The following ELFN1 variants were observed in gnomAD, a reference collection of about 807,000 sequenced individuals.
ELFN1 encodes extracellular leucine rich repeat and fibronectin type III domain containing 1, also known as protein ELFN1.
In ELFN1, 6 loss-of-function variants were observed where a neutral mutation model predicts 7.6. That is an observed-to-expected ratio of 0.79 (90% CI 0.43 to 1.56). ELFN1 has a LOEUF of 1.56. ELFN1 is among the 40% of genes most tolerant of loss of function. The pLI is 0.01. For synonymous variants in ELFN1, 657 were observed against 588.1 expected, an observed-to-expected ratio of 1.12 and a Z score of -1.70; for missense variants, 1,169 against 1,232.2, an observed-to-expected ratio of 0.95 and a Z score of 0.77.
chr7:1,746,948 C>G lies in ELFN1; in HGVS notation c.2352C>G (p.Arg784=). ...TCTGGGAGCGCTTCAGACTGAGCCGCCGGCGGCACAAGGAGGAAGAGGAGT... is the reference window on the plus strand; with the variant it reads ...TCTGGGAGCGCTTCAGACTGAGCCGGCGGCGGCACAAGGAGGAAGAGGAGT... The part of the protein sequence containing the change: ...QSIWERFRLS[R]RRHKEEEEFM... The change falls in exon 4 of 4, where the codon CGC becomes CGG. Residue 784 remains arginine (R), a synonymous_variant. Coordinates refer to ENST00000424383, the MANE Select transcript of ELFN1 (RefSeq NM_001128636.4). 6.4e-7 allele frequency: 1 copy of G among 1,550,812 alleles called. No homozygotes were observed. Among genetic ancestry groups the G allele is most frequent in the Non-Finnish European group, 8.7e-7 (1 of 1,147,362 alleles).
At chr7:1,666,239 C>T (rs1289379713), upstream of ELFN1, among the ~76,000 whole-genome samples, 2 of 151,416 alleles carry the variant, frequency 1.3e-5, no homozygotes, top group Non-Finnish European at 3.0e-5. The surrounding 1 kb of genome is among the most constrained non-coding windows in gnomAD (Gnocchi z 7.9). Flanking sequence ...GCTGCGGGAT[C>T]GGAGGGTCCC....
At chr7:1,702,297 G>T (rs1779444115) in intron 2 of ELFN1, among the ~76,000 whole-genome samples, 1 of 151,892 alleles carries the variant, frequency 6.6e-6, no homozygotes, top group Non-Finnish European at 1.5e-5. Context: ...GATGGCGGGT[G>T]CCTGTAGTCC....
intron 3 of ELFN1, among the ~76,000 whole-genome samples, chr7:1,718,024 G>A (rs1406447879): frequency 1.3e-5 from 2 of 152,194 alleles, no homozygotes; most frequent in African/African-American, 4.8e-5. Flanking sequence ...ACAGCCAGAA[G>A]TCAGTGGCCC....
intron 2 of ELFN1, among the ~76,000 whole-genome samples, chr7:1,697,326 C>T (rs1251330977): frequency 2.6e-5 from 4 of 152,226 alleles, no homozygotes; most frequent in Non-Finnish European, 4.4e-5. Context: ...CAGAGAGGAA[C>T]AGTCGCGCCC....
At chr7:1,683,066 T>C (rs1279943629) in intron 1 of ELFN1, among the ~76,000 whole-genome samples, 4 of 152,236 alleles carry the variant, frequency 2.6e-5, no homozygotes, top group African/African-American at 9.6e-5. Context: ...TTAAGGATTT[T>C]TGAATCTTCT....
intron 1 of ELFN1, among the ~76,000 whole-genome samples, chr7:1,685,873 C>G (rs1779053690): frequency 6.8e-6 from 1 of 146,496 alleles, no homozygotes; most frequent in Non-Finnish European, 1.5e-5. Context: ...ATATATAAAC[C>G]ATTGAAAGAT....
chr7:1,717,675 A>G (rs1779876282), intron 3 of ELFN1, among the ~76,000 whole-genome samples: 1 of 152,098 alleles, frequency 6.6e-6, no homozygotes, highest in African/African-American at 2.4e-5. Flanking sequence ...AGGAAAGAAG[A>G]GTGTGTGGAA....
rs557769153 is a variant in ELFN1, at chr7:1,735,438, C to G, written c.-293-8866C>G. Among the ~76,000 whole-genome samples the G allele has an allele frequency of 2.0e-5, 3 of 152,210 alleles. No homozygotes were observed. In the East Asian group the frequency reaches 5.8e-4, roughly 30 times the overall value. On this transcript the variant is annotated intron_variant, in intron 3 of 3. Transcript: ENST00000424383. This position sits in a 1 kb window ranked among gnomAD's most constrained non-coding sequence, Gnocchi z 5.9. ...AGTCCCCTCCGTTCTACTCCCCAGC[C>G]CGGCCTCCTGGAGGGCAAGGCGGAG...
intron 1 of ELFN1, among the ~76,000 whole-genome samples, chr7:1,685,069 T>C (rs979536974): frequency 8.5e-5 from 13 of 152,218 alleles, no homozygotes; most frequent in Admixed American, 7.8e-4. Flanking sequence ...TTTCTCTTGA[T>C]CTGTAATGTT....
intron 1 of ELFN1, among the ~76,000 whole-genome samples, chr7:1,685,713 T>C (rs1779050410): frequency 6.6e-6 from 1 of 151,098 alleles, no homozygotes; most frequent in Admixed American, 6.6e-5. Context: ...TTTTCTTCAA[T>C]TCTTTACACA....
chr7:1,745,019 C>G lies in ELFN1; in HGVS notation c.423C>G (p.Ala141=). 6.4e-7 allele frequency: 1 copy of G among 1,551,178 alleles called. No homozygotes were observed. The highest frequency in any genetic ancestry group is 8.7e-7 in the Non-Finnish European group (1 of 1,146,998). ...LGKLEYLYLQ[A]NLIEVVMASS... Reference sequence around the variant, plus strand: ...AGCTGGAGTACCTGTACCTGCAGGCCAACCTCATCGAGGTGGTCATGGCCA... The same window carrying G: ...AGCTGGAGTACCTGTACCTGCAGGCGAACCTCATCGAGGTGGTCATGGCCA... Residue 141 remains alanine, a synonymous_variant, in exon 4 of 4, where the codon GCC becomes GCG. Transcript: ENST00000424383.
At chr7:1,697,056 C>G (rs1779331053) in intron 2 of ELFN1, among the ~76,000 whole-genome samples, 1 of 152,242 alleles carries the variant, frequency 6.6e-6, no homozygotes, top group African/African-American at 2.4e-5. Flanking sequence ...GCGCCCCTCA[C>G]TGGCTTTGTG....
In ELFN1 at chr7:1,718,436, G is replaced by C. The variant is rs143412867; in HGVS notation, c.-294+9184G>C. 5.2e-3 allele frequency among the ~76,000 whole-genome samples: 795 copies of C among 152,280 alleles called. 6 individuals are homozygous for C. Among genetic ancestry groups the C allele is most frequent in the Middle Eastern group, 0.014 (4 of 294 alleles). On this transcript the variant is annotated intron_variant, in intron 3 of 3. Transcript: ENST00000424383. ...TGACTGGAGAATGGGAAGTAGCATT[G>C]GGGGTGACTGACCTATCCACAGGCC...
At chr7:1,736,901 C>G (rs1780463895) in intron 3 of ELFN1, among the ~76,000 whole-genome samples, 1 of 152,068 alleles carries the variant, frequency 6.6e-6, no homozygotes, top group East Asian at 1.9e-4. Flanking sequence ...GCTGCACTCT[C>G]TCCTCCCACC....
At chr7:1,736,382 C>T (rs1780442086) in intron 3 of ELFN1, among the ~76,000 whole-genome samples, 1 of 152,242 alleles carries the variant, frequency 6.6e-6, no homozygotes, top group African/African-American at 2.4e-5. Context: ...CAGCCCTGGC[C>T]TCTTGTCTGG....
chr7:1,719,268 G>A (rs1157469066), intron 3 of ELFN1, among the ~76,000 whole-genome samples: 10 of 50,456 alleles, frequency 2.0e-4, no homozygotes, highest in Non-Finnish European at 2.4e-4. Flanking sequence ...CAGGACCCAA[G>A]CCACCAACAG....
intron 2 of ELFN1, among the ~76,000 whole-genome samples, chr7:1,696,924 C>G (rs777163460): frequency 6.6e-6 from 1 of 152,192 alleles, no homozygotes; most frequent in African/African-American, 2.4e-5. Flanking sequence ...AGGAAAACAA[C>G]GAGGGCCACA....
intron 3 of ELFN1, among the ~76,000 whole-genome samples, chr7:1,741,789 C>T (rs367818787): frequency 7.9e-5 from 12 of 152,280 alleles, no homozygotes; most frequent in African/African-American, 2.2e-4. Flanking sequence ...GCTGCACTAC[C>T]GAGGTGCCAC....
chr7:1,724,559 A>G (rs1222259067), intron 3 of ELFN1, among the ~76,000 whole-genome samples: 3 of 152,164 alleles, frequency 2.0e-5, no homozygotes, highest in African/African-American at 7.2e-5. Flanking sequence ...AATTTCGCCC[A>G]AACTGCTGCT....
Sources: gnomAD v4.1 joint callset for allele counts (sites outside exome capture counted in the v4.1 genomes callset) on GRCh38, gnomAD v4.1.1 for gene constraint, Gnocchi (gnomAD v3.1) non-coding constraint, MANE v1.5 for transcripts, NCBI Gene and HGNC (gene_info 2026-07-23, HGNC 2026-07-21) for gene names.